TYW3: variants seen among roughly 807,000 people sequenced by gnomAD.
TYW3 encodes the protein tRNA-yW synthesizing protein 3 homolog.
Under a neutral mutation model 23.1 loss-of-function variants are expected in TYW3, and 26 were observed. That is an observed-to-expected ratio of 1.13 (90% confidence interval 0.83 to 1.56). The LOEUF is 1.56. Ranked by LOEUF, TYW3 falls within the 40% of genes most tolerant of loss-of-function variation. TYW3 has a pLI of 0.00. For missense variants in TYW3, 316 were observed against 311.9 expected (o/e 1.01, Z -0.10); for synonymous variants, 102 against 105.7 (o/e 0.97, Z 0.21).
intron 5 of TYW3, among the ~76,000 whole-genome samples, chr1:74,755,306 C>G (rs1204325853): frequency 6.6e-6 from 1 of 152,202 alleles, no homozygotes; most frequent in African/African-American, 2.4e-5. Context: ...TCATCACAAA[C>G]TAAACTTCTC....
chr1:74,755,982 T>C (rs573464619), intron 5 of TYW3, among the ~76,000 whole-genome samples: 2 of 152,286 alleles, frequency 1.3e-5, no homozygotes, highest in East Asian at 3.9e-4. Context: ...TCTCACAAGA[T>C]CTGACGGTTT....
At chr1:74,742,192 G>A (rs4650288) in intron 3 of TYW3, among the ~76,000 whole-genome samples, 31,013 of 152,030 alleles carry the variant, frequency 0.2, 4,422 homozygotes, top group East Asian at 0.71. Flanking sequence ...CCTACTCTTT[G>A]TTCCCCAAAA....
intron 5 of TYW3, among the ~76,000 whole-genome samples, chr1:74,755,878 T>C (rs1648934469): frequency 6.6e-6 from 1 of 152,242 alleles, no homozygotes; most frequent in Non-Finnish European, 1.5e-5. Flanking sequence ...AAATCTCATC[T>C]TGAATTTCCA....
intron 4 of TYW3, among the ~76,000 whole-genome samples, chr1:74,751,742 G>T (rs1648794183): frequency 6.6e-6 from 1 of 151,908 alleles, no homozygotes; most frequent in African/African-American, 2.4e-5. Context: ...TTGTATGGTT[G>T]TTCTTAACCT....
intron 5 of TYW3, among the ~76,000 whole-genome samples, chr1:74,758,891 T>C (rs1649040773): frequency 6.6e-6 from 1 of 152,176 alleles, no homozygotes; most frequent in African/African-American, 2.4e-5. Flanking sequence ...GTAACATGTA[T>C]CTGGCTCACA....
chr1:74,742,089 G>A (rs1427040479), intron 3 of TYW3, among the ~76,000 whole-genome samples: 2 of 152,202 alleles, frequency 1.3e-5, no homozygotes, highest in Admixed American at 1.3e-4. Context: ...TATCCAATTT[G>A]TAAAGGTATC....
rs190677305 is a variant in TYW3 at position 74,765,382 on chromosome 1, G to A, written c.*1269G>A. On this transcript the variant is annotated 3_prime_UTR_variant, in exon 6 of 6. Coordinates refer to ENST00000370867, the MANE Select transcript of TYW3 (RefSeq NM_138467.3). ...AGTTTCCAGGAAAGCATGGCAACTC[G>A]TTCAGCTATGTAAGTTGAACTCTGT... 1.3e-5 allele frequency: 2 copies of A among 152,246 alleles called. No individual in the cohort carries two copies. Among genetic ancestry groups the A allele is most frequent in the Admixed American group, 6.5e-5 (1 of 15,272 alleles). 9.4% of individuals were successfully genotyped at this position (152,246 alleles called of 1,614,324 possible).
At chr1:74,739,539 A>G (rs1648278376) in intron 3 of TYW3, among the ~76,000 whole-genome samples, 1 of 152,228 alleles carries the variant, frequency 6.6e-6, no homozygotes, top group African/African-American at 2.4e-5. Flanking sequence ...GGAAATGAAC[A>G]TTCCATGAAG....
intron 4 of TYW3, among the ~76,000 whole-genome samples, 155 bp downstream of exon 4, chr1:74,748,977 C>T (rs1464266167): frequency 1.3e-5 from 2 of 152,216 alleles, no homozygotes; most frequent in Non-Finnish European, 2.9e-5. Context: ...TCCTACAGGG[C>T]AAAGTCCAGA....
chr1:74,740,993 TA>T (rs35496866), intron 3 of TYW3, among the ~76,000 whole-genome samples: 30,974 of 152,006 alleles, frequency 0.2, 4,402 homozygotes, highest in East Asian at 0.71. Flanking sequence ...TCCTGCTGGA[TA>T]GGGGTGAAGA....
At position 74,765,932 on chromosome 1, in the gene TYW3, A is replaced by G. The variant is rs1327157400; in HGVS notation, c.*1819A>G. The G allele has an allele frequency of 6.6e-6, 1 of 152,330 alleles. No homozygotes were observed. The highest frequency in any genetic ancestry group is 2.1e-4 in the South Asian group (1 of 4,826). 9.4% of individuals were successfully genotyped at this position (152,330 alleles called of 1,614,324 possible). ...AGAGAGGAGACACCAGGTGCTGGCC[A>G]TAAACCTAAGAAGACATTGAATCCC... On this transcript the variant is annotated 3_prime_UTR_variant, in exon 6 of 6. Coordinates refer to ENST00000370867, the MANE Select transcript of TYW3 (RefSeq NM_138467.3).
chr1:74,759,619 C>A (rs540729172), intron 5 of TYW3, among the ~76,000 whole-genome samples: 10 of 152,058 alleles, frequency 6.6e-5, no homozygotes, highest in East Asian at 1.9e-4. Flanking sequence ...TTACCACCCC[C>A]CTATGTAGTT....
chr1:74,760,028 T>C (rs1265473619), intron 5 of TYW3, among the ~76,000 whole-genome samples: 1 of 152,250 alleles, frequency 6.6e-6, no homozygotes, highest in African/African-American at 2.4e-5. Flanking sequence ...AGCAGTTGAT[T>C]AGCACATGTA....
Position 74,765,680 on chromosome 1 carries a change from G to A in TYW3, c.*1567G>A, listed in dbSNP as rs1649283804. On this transcript the variant is annotated 3_prime_UTR_variant, in exon 6 of 6. Coordinates refer to ENST00000370867, the MANE Select transcript of TYW3 (RefSeq NM_138467.3). The stretch of plus-strand genomic sequence containing the variant: ...ATAACAGTAGGAAAGAGAGAGTGCA[G>A]GTGGAACGAGCCTATCCTGTGGTGA... 6.6e-6 allele frequency: 1 copy of A among 152,056 alleles called. No homozygotes were observed. Among genetic ancestry groups the A allele is most frequent in the South Asian group, 2.1e-4 (1 of 4,822 alleles). The allele number at this position is 152,056 out of a possible 1,614,324, so 9.4% of individuals were successfully genotyped here. A position where few individuals can be genotyped will look rare whatever the true frequency, so the allele number is the denominator to read the frequency against.
intron 5 of TYW3, among the ~76,000 whole-genome samples, chr1:74,759,797 C>G (rs1440870950): frequency 6.6e-6 from 1 of 152,162 alleles, no homozygotes; most frequent in Non-Finnish European, 1.5e-5. Context: ...CATGTACCAC[C>G]AAGCCCAGAT....
At chr1:74,753,184 A>G (rs1231953851) in intron 5 of TYW3, among the ~76,000 whole-genome samples, 2 of 152,154 alleles carry the variant, frequency 1.3e-5, no homozygotes, top group Non-Finnish European at 2.9e-5. Context: ...GATGTCGTTT[A>G]TAATTTTCTT....
At chr1:74,735,145 C>T (rs1648104347) in intron 1 of TYW3, among the ~76,000 whole-genome samples, 1 of 152,202 alleles carries the variant, frequency 6.6e-6, no homozygotes, top group Non-Finnish European at 1.5e-5. Context: ...TGACAAATTG[C>T]AACTCTGCTT....
intron 2 of TYW3, among the ~76,000 whole-genome samples, chr1:74,738,116 AC>A (rs755247670): frequency 1.1e-4 from 16 of 151,404 alleles, no homozygotes; most frequent in South Asian, 2.1e-4. Flanking sequence ...GGAAAAAAAA[AC>A]AAACAAAAAA....
At chr1:74,748,728 T>A (rs1395256262) in intron 3 of TYW3, 23 bp from the exon 4 acceptor site, 1 of 1,608,882 alleles carries the variant, frequency 6.2e-7, no homozygotes. Flanking sequence ...TATCAAAATG[T>A]AACAAGTTTT....
Sources: gnomAD v4.1 joint callset for allele counts (sites outside exome capture counted in the v4.1 genomes callset) on GRCh38, gnomAD v4.1.1 for gene constraint, MANE v1.5 for transcripts, NCBI Gene and HGNC (gene_info 2026-07-23, HGNC 2026-07-21) for gene names.